The following KHDRBS2 variants were observed in gnomAD, a reference collection of about 807,000 sequenced individuals.
KHDRBS2 encodes KH domain-containing, RNA-binding, signal transduction-associated protein 2.
A neutral mutation model predicts 44.3 loss-of-function variants in KHDRBS2; 26 were observed. That is an observed-to-expected ratio of 0.59 (90% confidence interval 0.43 to 0.81). The LOEUF is 0.81. Among genes scored for constraint, KHDRBS2 ranks in the 40% least tolerant of loss-of-function variants. The pLI is 0.00. For synonymous variants in KHDRBS2, 194 were observed against 151.1 expected (o/e 1.28, Z -2.08); for missense variants, 476 against 433.1 (o/e 1.10, Z -0.88).
chr6:61,925,373 G>T (rs948598818), intron 4 of KHDRBS2, among the ~76,000 whole-genome samples: 12 of 152,072 alleles, frequency 7.9e-5, no homozygotes, highest in African/African-American at 2.9e-4. Context: ...TAGTCCACTG[G>T]ATCTCTCACA....
chr6:62,025,742 A>G (rs1016496828), intron 3 of KHDRBS2, among the ~76,000 whole-genome samples: 2 of 151,932 alleles, frequency 1.3e-5, no homozygotes, highest in African/African-American at 4.8e-5. Flanking sequence ...CCTCAATATC[A>G]TTTATTTTCT....
intron 2 of KHDRBS2, among the ~76,000 whole-genome samples, chr6:62,097,725 T>C (rs183371568): frequency 5.8e-4 from 89 of 152,268 alleles, no homozygotes; most frequent in Non-Finnish European, 1.2e-3. Flanking sequence ...TTTAAGGTAA[T>C]TACTGCTAAG....
chr6:62,214,441 C>A (rs1472180611), intron 1 of KHDRBS2, among the ~76,000 whole-genome samples: 1 of 147,182 alleles, frequency 6.8e-6, no homozygotes, highest in Non-Finnish European at 1.5e-5. Context: ...TAGTAACTTA[C>A]AAAAATTATA....
intron 3 of KHDRBS2, among the ~76,000 whole-genome samples, chr6:62,029,265 C>A (rs931291368): frequency 2.6e-5 from 4 of 151,576 alleles, no homozygotes; most frequent in Non-Finnish European, 5.9e-5. Flanking sequence ...AATACAGTAA[C>A]AAAATTTATT....
intron 2 of KHDRBS2, among the ~76,000 whole-genome samples, chr6:62,069,672 A>G (rs1265991646): frequency 6.6e-6 from 1 of 151,800 alleles, no homozygotes; most frequent in Non-Finnish European, 1.5e-5. Context: ...ACATTATACA[A>G]TATGTAAAAT....
intron 4 of KHDRBS2, among the ~76,000 whole-genome samples, chr6:61,935,712 A>G (rs555520291): frequency 2.0e-4 from 31 of 152,240 alleles, no homozygotes; most frequent in African/African-American, 7.2e-4. Context: ...GGGTTGTGAG[A>G]CAATTTAGTG....
chr6:62,162,584 C>A (rs1241641246), intron 2 of KHDRBS2, among the ~76,000 whole-genome samples: 2 of 152,010 alleles, frequency 1.3e-5, no homozygotes, highest in African/African-American at 2.4e-5. Flanking sequence ...AAATTAATGG[C>A]AATTTACTAC....
chr6:61,835,081 C>T (rs1258135684), intron 6 of KHDRBS2, among the ~76,000 whole-genome samples: 1 of 151,956 alleles, frequency 6.6e-6, no homozygotes, highest in Admixed American at 6.6e-5. Flanking sequence ...TTACTTTCAT[C>T]AGGTTTTTAA....
chr6:62,233,605 G>A (rs1021440306), intron 1 of KHDRBS2, among the ~76,000 whole-genome samples: 43 of 152,112 alleles, frequency 2.8e-4, no homozygotes, highest in African/African-American at 8.7e-4. Flanking sequence ...AGCCTGGTAC[G>A]CATTGGTTGT....
chr6:62,108,778 G>A (rs1014897519), intron 2 of KHDRBS2, among the ~76,000 whole-genome samples: 1 of 152,074 alleles, frequency 6.6e-6, no homozygotes, highest in Non-Finnish European at 1.5e-5. Context: ...TAAAAATGAT[G>A]AGTTCATGTC....
At chr6:61,769,392 C>T (rs1780489858) in intron 6 of KHDRBS2, among the ~76,000 whole-genome samples, 1 of 152,168 alleles carries the variant, frequency 6.6e-6, no homozygotes, top group Non-Finnish European at 1.5e-5. Context: ...CACAAGGGGT[C>T]AGGGAATTCC....
Position 62,059,758 on chromosome 6 carries a change from T to C in KHDRBS2, c.220-11764A>G, listed in dbSNP as rs1368910625. 2.0e-5 allele frequency among the ~76,000 whole-genome samples: 3 copies of C among 151,900 alleles called. No individual in the cohort carries two copies. In the East Asian group the frequency reaches 5.9e-4, roughly 30 times the overall value. On this transcript the variant is annotated intron_variant, in intron 2 of 8. Coordinates refer to ENST00000281156, the MANE Select transcript of KHDRBS2 (RefSeq NM_152688.4). Reference sequence around the variant, plus strand: ...GTAATTTTCTATACAGGGGTAGTATTTCAAGTCATGAAATTGCTAAGGGAG... The same window carrying C: ...GTAATTTTCTATACAGGGGTAGTATCTCAAGTCATGAAATTGCTAAGGGAG...
chr6:61,852,222 AAAAT>A (rs1379084574), intron 6 of KHDRBS2, among the ~76,000 whole-genome samples: 1 of 152,182 alleles, frequency 6.6e-6, no homozygotes, highest in African/African-American at 2.4e-5. Flanking sequence ...ACTCCGTCCA[AAAAT>A]AAATAAATAA....
At chr6:62,202,618 C>G (rs2150139421) in intron 1 of KHDRBS2, among the ~76,000 whole-genome samples, 1 of 152,040 alleles carries the variant, frequency 6.6e-6, no homozygotes, top group Non-Finnish European at 1.5e-5. Flanking sequence ...ATCCTAGACC[C>G]AAGATATGTT....
chr6:61,673,943 C>T, the KHDRBS2 span, among the ~76,000 whole-genome samples: 1 of 151,322 alleles, frequency 6.6e-6, no homozygotes, highest in Non-Finnish European at 1.5e-5. Context: ...TCATATGGAA[C>T]CAAAAAAGAG....
chr6:62,224,781 C>A (rs965153424), intron 1 of KHDRBS2, among the ~76,000 whole-genome samples: 3 of 152,174 alleles, frequency 2.0e-5, no homozygotes, highest in Non-Finnish European at 4.4e-5. Flanking sequence ...AAAGCAAAAG[C>A]CTTTTATATG....
chr6:62,127,783 C>A (rs1322748880), intron 2 of KHDRBS2, among the ~76,000 whole-genome samples: 1 of 152,120 alleles, frequency 6.6e-6, no homozygotes, highest in Non-Finnish European at 1.5e-5. Flanking sequence ...TTTATAGTTT[C>A]CACATAACAC....
intron 6 of KHDRBS2, among the ~76,000 whole-genome samples, chr6:61,873,535 G>A (rs1261409472): frequency 6.6e-6 from 1 of 150,860 alleles, no homozygotes; most frequent in Non-Finnish European, 1.5e-5. Context: ...CTGCCTAGAA[G>A]AACAATTTAT....
At chr6:61,759,030 T>C (rs1240731464) in intron 6 of KHDRBS2, among the ~76,000 whole-genome samples, 2 of 152,154 alleles carry the variant, frequency 1.3e-5, no homozygotes, top group African/African-American at 4.8e-5. Context: ...TGGCATAGTG[T>C]TCTCTTAGCA....
Sources: allele counts gnomAD v4.1 joint callset (sites outside exome capture counted in the v4.1 genomes callset), GRCh38; gene constraint gnomAD v4.1.1; transcripts MANE v1.5; gene names NCBI Gene and HGNC (gene_info 2026-07-23, HGNC 2026-07-21).